The following KPNA1 variants were observed in gnomAD, a reference collection of about 807,000 sequenced individuals.
KPNA1 encodes the protein importin subunit alpha-5.
In KPNA1, 10 loss-of-function variants were observed where a neutral mutation model predicts 70.5. That is an observed-to-expected ratio of 0.14 (90% confidence interval 0.09 to 0.24). KPNA1 has a LOEUF of 0.24. Ranked by LOEUF, KPNA1 falls within the 10% of genes least tolerant of loss-of-function variation. KPNA1 has a pLI of 1.00. For missense variants in KPNA1, 397 were observed against 637.9 expected, an observed-to-expected ratio of 0.62 and a Z score of 4.07; for synonymous variants, 192 against 221.9, an observed-to-expected ratio of 0.87 and a Z score of 1.20.
chr3:122,426,777 A>G lies in KPNA1; in HGVS notation c.*208T>C. The G allele has an allele frequency of 2.1e-6, 1 of 472,474 alleles. No individual in the cohort carries two copies. 29.3% of individuals were successfully genotyped at this position (472,474 alleles called of 1,614,324 possible). ...TAAAAGAGAGTGGGCCGTTCTGGTT[A>G]CCCTTTTATTAGAAGGGTATTCCAC... On this transcript the variant is annotated 3_prime_UTR_variant, in exon 14 of 14. Transcript: ENST00000344337.
At position 122,461,218 on chromosome 3, in the gene KPNA1, T is replaced by A; in HGVS notation, c.432+6A>T. 1.9e-6 allele frequency: 3 copies of A among 1,552,414 alleles called. No homozygotes were observed. Among genetic ancestry groups the A allele is most frequent in the Non-Finnish European group, 2.6e-6 (3 of 1,142,094 alleles). ...TTATGAGGCAATAAATAAAAATTAT[T>A]CGCACCTGCAGTGTACAATTCTCTT... On this transcript the variant is annotated splice_donor_region_variant and intron_variant, in intron 5 of 13. Transcript: ENST00000344337.
chr3:122,434,374 A>G (rs1475184826), intron 11 of KPNA1, among the ~76,000 whole-genome samples: 1 of 152,158 alleles, frequency 6.6e-6, no homozygotes, highest in Non-Finnish European at 1.5e-5. Flanking sequence ...ACAAATTGTT[A>G]AGAGCTCAAT....
At chr3:122,428,434 C>T (rs1288972058) in intron 12 of KPNA1, among the ~76,000 whole-genome samples, 2 of 152,104 alleles carry the variant, frequency 1.3e-5, no homozygotes, top group East Asian at 1.9e-4. Context: ...TTCTTTCTCA[C>T]ATATTGCTTT....
chr3:122,444,085 G>A (rs1003969425), intron 9 of KPNA1, among the ~76,000 whole-genome samples: 1 of 152,300 alleles, frequency 6.6e-6, no homozygotes, highest in South Asian at 2.1e-4. Context: ...CGCCCCCTGG[G>A]AATGCATTCT....
intron 2 of KPNA1, among the ~76,000 whole-genome samples, chr3:122,472,801 C>T (rs2076457012): frequency 6.6e-6 from 1 of 152,180 alleles, no homozygotes; most frequent in Non-Finnish European, 1.5e-5. Flanking sequence ...ACTGGCCAGG[C>T]ACAGTATACT....
In KPNA1 at chr3:122,456,529, G is replaced by A. The variant is rs376817588; in HGVS notation, c.433-2528C>T. Among the ~76,000 whole-genome samples the A allele has an allele frequency of 1.8e-4, 28 of 152,242 alleles. No individual in the cohort carries two copies. The South Asian group carries it at 5.4e-3, about 29-fold the overall frequency. The stretch of plus-strand genomic sequence containing the variant: ...ACTTAGAATTCTAATTGGTGCCAGC[G>A]TTCAAACTGCTATTTTGAGTTTAGC... On this transcript the variant is annotated intron_variant, in intron 5 of 13. Coordinates refer to ENST00000344337, the MANE Select transcript of KPNA1 (RefSeq NM_002264.4).
chr3:122,463,612 C>T (rs1433155680), intron 4 of KPNA1, among the ~76,000 whole-genome samples: 1 of 151,828 alleles, frequency 6.6e-6, no homozygotes, highest in Non-Finnish European at 1.5e-5. Context: ...AATCATAACT[C>T]TTTCAAGGAG....
At chr3:122,475,264 AAAAAT>A (rs1425490467) in intron 2 of KPNA1, among the ~76,000 whole-genome samples, 2 of 152,194 alleles carry the variant, frequency 1.3e-5, no homozygotes, top group African/African-American at 2.4e-5. Flanking sequence ...CAATGGCTAC[AAAAAT>A]AAAATAAAAT....
At chr3:122,460,662 A>G in intron 5 of KPNA1, 1 of 797,732 alleles carries the variant, frequency 1.3e-6, no homozygotes. Context: ...AAAAAAAAAA[A>G]GAAAATTCTG....
intron 2 of KPNA1, among the ~76,000 whole-genome samples, chr3:122,473,190 CAAGA>C (rs1309062977): frequency 1.3e-5 from 2 of 152,112 alleles, no homozygotes; most frequent in African/African-American, 4.8e-5. Flanking sequence ...AAAACTCACA[CAAGA>C]AACAATCTGA....
chr3:122,502,558 G>A lies in KPNA1; in HGVS notation c.-5-5988C>T, dbSNP rs148158855. ...CAGAACTGTGAGAAAATAAATTTCT[G>A]CTTAAGCCACACAGTCTGCAGTATT... On this transcript the variant is annotated intron_variant, in intron 1 of 13. Coordinates refer to ENST00000344337, the MANE Select transcript of KPNA1 (RefSeq NM_002264.4). 2.0e-5 allele frequency among the ~76,000 whole-genome samples: 3 copies of A among 152,302 alleles called. No homozygotes were observed. In the East Asian group the frequency reaches 5.8e-4, roughly 29 times the overall value.
intron 1 of KPNA1, among the ~76,000 whole-genome samples, chr3:122,513,043 TAGA>T (rs1559776331): frequency 1.3e-5 from 2 of 152,158 alleles, no homozygotes; most frequent in Non-Finnish European, 2.9e-5. Context: ...CCCCCAAGTC[TAGA>T]AGATCACTCT....
intron 9 of KPNA1, among the ~76,000 whole-genome samples, chr3:122,448,950 A>T (rs2076170094): frequency 6.6e-6 from 1 of 152,226 alleles, no homozygotes; most frequent in Non-Finnish European, 1.5e-5. Context: ...TTTTGTATTA[A>T]TACATTATAA....
intron 2 of KPNA1, among the ~76,000 whole-genome samples, chr3:122,479,244 T>C (rs1311149674): frequency 1.3e-5 from 2 of 152,138 alleles, no homozygotes; most frequent in South Asian, 2.1e-4. Context: ...GATATACAGA[T>C]GGCAAACAAG....
chr3:122,496,656 GC>G, intron 1 of KPNA1, 86 bp from the exon 2 acceptor site: 2 of 1,222,128 alleles, frequency 1.6e-6, no homozygotes, highest in Non-Finnish European at 2.3e-6. Flanking sequence ...ACATATACAT[GC>G]CCAGACATAT....
In KPNA1 at chr3:122,502,286, T is replaced by C. The variant is rs532436901; in HGVS notation, c.-5-5716A>G. On this transcript the variant is annotated intron_variant, in intron 1 of 13. Transcript: ENST00000344337. ...TTGTGCCGTCCCCTCAAAACTCTTA[T>C]GTTGACACCCTAACCACCAGTGTGA... Among the ~76,000 whole-genome samples the C allele has an allele frequency of 3.9e-5, 6 of 152,332 alleles. No individual in the cohort carries two copies. The East Asian group carries it at 5.8e-4, about 15-fold the overall frequency.
rs967020067 is a variant in KPNA1 at position 122,514,821 on chromosome 3, T to C, written c.-70A>G. 6.5e-6 allele frequency: 1 copy of C among 153,150 alleles called. No homozygotes were observed. Among genetic ancestry groups the C allele is most frequent in the Non-Finnish European group, 1.5e-5 (1 of 68,846 alleles). 9.5% of individuals were successfully genotyped at this position (153,150 alleles called of 1,614,324 possible). On this transcript the variant is annotated 5_prime_UTR_variant, in exon 1 of 14. Transcript: ENST00000344337. ...TAGCCCCTCGCTCGCCCGCCCGCCG[T>C]GCCACTCCCGCGCACAACCTCGAAG...
rs2075794534 is a variant in KPNA1 at position 122,424,369 on chromosome 3, A to G, written c.*2616T>C. 1 of 152,170 alleles carries G rather than the reference A, an allele frequency of 6.6e-6. No individual in the cohort carries two copies. Among genetic ancestry groups the G allele is most frequent in the African/African-American group, 2.4e-5 (1 of 41,438 alleles). The allele number at this position is 152,170 out of a possible 1,614,324, so 9.4% of individuals were successfully genotyped here. A position where few individuals can be genotyped will look rare whatever the true frequency, so the allele number is the denominator to read the frequency against. ...ATATACAGTTACCCCTTAAAATGTC[A>G]TTTCTGTTACCAAAAAGCCTGCTTC... On this transcript the variant is annotated 3_prime_UTR_variant, in exon 14 of 14. Transcript: ENST00000344337.
At chr3:122,472,843 G>A (rs1369565059) in intron 2 of KPNA1, among the ~76,000 whole-genome samples, 1 of 152,178 alleles carries the variant, frequency 6.6e-6, no homozygotes, top group African/African-American at 2.4e-5. Context: ...CACTTTGGGA[G>A]GCTGAGGCAG....
Sources: allele counts gnomAD v4.1 joint callset (sites outside exome capture counted in the v4.1 genomes callset), GRCh38; gene constraint gnomAD v4.1.1; transcripts MANE v1.5; gene names NCBI Gene and HGNC (gene_info 2026-07-23, HGNC 2026-07-21).